OSBPL6: variants seen among roughly 807,000 people sequenced by gnomAD.
OSBPL6 encodes oxysterol binding protein like 6.
Under a neutral mutation model 125.8 loss-of-function variants are expected in OSBPL6, and 49 were observed. That is an observed-to-expected ratio of 0.39 (90% CI 0.31 to 0.49). The LOEUF (loss-of-function observed/expected upper bound fraction) is 0.49, where lower values mean the gene tolerates loss of function less well. Ranked by LOEUF, OSBPL6 falls within the 20% of genes least tolerant of loss-of-function variation. OSBPL6 has a pLI of 0.88. For synonymous variants in OSBPL6, 394 were observed against 391.8 expected, an observed-to-expected ratio of 1.01 and a Z score of -0.07; for missense variants, 986 against 1,135.4, an observed-to-expected ratio of 0.87 and a Z score of 1.89.
In OSBPL6 at chr2:178,391,178, T is replaced by A; in HGVS notation, c.2407T>A (p.Cys803Ser). 1 of 1,613,130 alleles carries A rather than the reference T, an allele frequency of 6.2e-7. No homozygotes were observed. The highest frequency in any genetic ancestry group is 1.1e-5 in the South Asian group (1 of 90,758). Residue 803 changes from cysteine to serine, a missense_variant, in exon 22 of 25, where the codon TGT becomes AGT. Physicochemically the swap from Cys to Ser is moderately radical, Grantham distance 112. Coordinates refer to ENST00000190611, the MANE Select transcript of OSBPL6 (RefSeq NM_032523.4). ...TGGAAAGTGGCATGAAGGACTCTAC[T>A]GTGGTGTGGCCCCCTCTGCAAAGTG... ...LFGKWHEGLY[C>S]GVAPSAKCIW...
intron 12 of OSBPL6, among the ~76,000 whole-genome samples, chr2:178,354,133 T>C (rs1052707248): frequency 1.3e-5 from 2 of 152,204 alleles, no homozygotes; most frequent in East Asian, 3.8e-4. Flanking sequence ...TGCGAAAACA[T>C]GCCAAATTGT....
chr2:178,334,282 T>C (rs1003879790), intron 8 of OSBPL6, among the ~76,000 whole-genome samples: 5 of 152,282 alleles, frequency 3.3e-5, no homozygotes, highest in Admixed American at 1.3e-4. Flanking sequence ...TACGTTGTGT[T>C]CAAGAACGTT....
Position 178,255,503 on chromosome 2 carries a change from A to G in OSBPL6, c.-350-29424A>G, listed in dbSNP as rs566564265. ...ATGGGGATTATGGGAGTTACAATTC[A>G]AGATGAGATTTGGGTGGGGACACAG... On this transcript the variant is annotated intron_variant, in intron 1 of 24. Transcript: ENST00000190611. 5.3e-5 allele frequency among the ~76,000 whole-genome samples: 8 copies of G among 152,278 alleles called. No homozygotes were observed. The East Asian group carries it at 1.5e-3, about 29-fold the overall frequency.
intron 1 of OSBPL6, among the ~76,000 whole-genome samples, chr2:178,229,038 G>A (rs1309759832): frequency 6.6e-6 from 1 of 152,128 alleles, no homozygotes; most frequent in Non-Finnish European, 1.5e-5. Context: ...ATCTGATGAG[G>A]GCCTCGTGCT....
At chr2:178,225,979 A>G (rs2090544437) in intron 1 of OSBPL6, among the ~76,000 whole-genome samples, 1 of 152,196 alleles carries the variant, frequency 6.6e-6, no homozygotes, top group African/African-American at 2.4e-5. Flanking sequence ...AGAATGACTT[A>G]AAGTGGTGAG....
intron 21 of OSBPL6, 151 bp from the exon 22 acceptor site, chr2:178,390,922 G>A: frequency 2.2e-6 from 2 of 914,700 alleles, no homozygotes; most frequent in Admixed American, 2.9e-5. Flanking sequence ...TAGAAAGCCA[G>A]CCCTCCATAT....
chr2:178,391,100 G>T lies in OSBPL6; in HGVS notation c.2329G>T (p.Glu777Ter). Residue 777 changes from glutamate (E) to a stop codon, truncating the protein, a stop_gained, in exon 22 of 25, where the codon GAA becomes TAA. Coordinates refer to ENST00000190611, the MANE Select transcript of OSBPL6 (RefSeq NM_032523.4). LOFTEE classifies it high-confidence loss of function. ...KVNYWNSNMN[E>*]VQGVVIDQEG... ...GAATTATTGGAATTCTAACATGAATGAAGTCCAGGGGGTGGTGATAGATCA... is the reference window on the plus strand; with the variant it reads ...GAATTATTGGAATTCTAACATGAATTAAGTCCAGGGGGTGGTGATAGATCA... The T allele has an allele frequency of 6.2e-7, 1 of 1,613,284 alleles. No individual in the cohort carries two copies. Among genetic ancestry groups the T allele is most frequent in the Non-Finnish European group, 8.5e-7 (1 of 1,179,796 alleles).
Position 178,397,637 on chromosome 2 carries a change from CA to C in OSBPL6, c.*2080del, listed in dbSNP as rs1234508166. The C allele has an allele frequency of 2.0e-5, 3 of 152,128 alleles. No homozygotes were observed. The highest frequency in any genetic ancestry group is 4.8e-5 in the African/African-American group (2 of 41,410). 9.4% of individuals were successfully genotyped at this position (152,128 alleles called of 1,614,324 possible). On this transcript the variant is annotated 3_prime_UTR_variant, in exon 25 of 25. Coordinates refer to ENST00000190611, the MANE Select transcript of OSBPL6 (RefSeq NM_032523.4). ...TCAAAATAGCCTAAACATAAGAAAA[CA>C]ATCCTGCAAAGTAAAGGTTTTTACA...
At chr2:178,197,652 T>C (rs964813650) in intron 1 of OSBPL6, among the ~76,000 whole-genome samples, 7 of 152,214 alleles carry the variant, frequency 4.6e-5, no homozygotes, top group Non-Finnish European at 7.3e-5. Flanking sequence ...CACTATACTG[T>C]AATAAAAAGT....
chr2:178,262,092 A>T (rs2092082494), intron 1 of OSBPL6, among the ~76,000 whole-genome samples: 1 of 150,266 alleles, frequency 6.7e-6, no homozygotes, highest in Admixed American at 6.7e-5. Flanking sequence ...TATATGTGTC[A>T]TGCACAGAGT....
In OSBPL6 at chr2:178,320,391, A is replaced by G. The variant is rs1688132919; in HGVS notation, c.103-3786A>G. On this transcript the variant is annotated intron_variant, in intron 3 of 24. Transcript: ENST00000190611. ...GCATCAGTTATCTCTGATCAGGGGA[A>G]ACAGAGGGCGGGTAAGTACTTCCAC... The G allele has an allele frequency of 1.9e-6, 3 of 1,613,100 alleles. No homozygotes were observed. The South Asian group carries it at 3.3e-5, about 18-fold the overall frequency.
chr2:178,364,444 T>C (rs931716717), intron 13 of OSBPL6, among the ~76,000 whole-genome samples: 2 of 152,146 alleles, frequency 1.3e-5, no homozygotes, highest in African/African-American at 4.8e-5. Flanking sequence ...GCTTGTACAT[T>C]TGAGATATTT....
chr2:178,197,534 C>T (rs961011163), intron 1 of OSBPL6, among the ~76,000 whole-genome samples: 1 of 152,098 alleles, frequency 6.6e-6, no homozygotes, highest in African/African-American at 2.4e-5. Flanking sequence ...TGGTGCCAAA[C>T]CCTATGTATA....
At chr2:178,364,235 G>A (rs1269912902) in intron 13 of OSBPL6, among the ~76,000 whole-genome samples, 1 of 152,172 alleles carries the variant, frequency 6.6e-6, no homozygotes, top group South Asian at 2.1e-4. Context: ...CAGCTCATCA[G>A]GGACTCCACA....
chr2:178,389,260 TTG>T, intron 21 of OSBPL6, 107 bp downstream of exon 21: 1 of 1,107,346 alleles, frequency 9.0e-7, no homozygotes, highest in East Asian at 2.6e-5. Context: ...TCCTGTATCA[TTG>T]GTCCTTACGG....
chr2:178,393,040 C>G (rs1159165438), intron 23 of OSBPL6, among the ~76,000 whole-genome samples: 1 of 152,294 alleles, frequency 6.6e-6, no homozygotes, highest in East Asian at 1.9e-4. Context: ...CAGATTATCT[C>G]AGCACATAGT....
At chr2:178,235,991 G>C (rs1204221282) in intron 1 of OSBPL6, among the ~76,000 whole-genome samples, 1 of 151,962 alleles carries the variant, frequency 6.6e-6, no homozygotes, top group African/African-American at 2.4e-5. Context: ...TTGTTACATG[G>C]GTTCAATTTT....
At chr2:178,337,458 T>C (rs556399576) in intron 9 of OSBPL6, among the ~76,000 whole-genome samples, 2 of 152,220 alleles carry the variant, frequency 1.3e-5, no homozygotes, top group Non-Finnish European at 2.9e-5. Context: ...AGACTTTATG[T>C]GAAAGTATGA....
intron 8 of OSBPL6, among the ~76,000 whole-genome samples, chr2:178,334,651 T>G (rs1464851496): frequency 6.6e-6 from 1 of 152,100 alleles, no homozygotes; most frequent in Non-Finnish European, 1.5e-5. Context: ...GCCTCAGCCT[T>G]CAGAGTAAGC....
Sources: gnomAD v4.1 joint callset for allele counts (sites outside exome capture counted in the v4.1 genomes callset) on GRCh38, gnomAD v4.1.1 for gene constraint, MANE v1.5 for transcripts, NCBI Gene and HGNC (gene_info 2026-07-23, HGNC 2026-07-21) for gene names.